Variants in AKAP6 observed in about 807,000 individuals in gnomAD.
The protein encoded by AKAP6 is A-kinase anchor protein 6.
AKAP6 carries 58 observed loss-of-function variants against 188.5 expected under a neutral mutation model. The observed-to-expected ratio is 0.31, with a 90% CI of 0.25 to 0.38. The LOEUF is 0.38. Ranked by LOEUF, AKAP6 falls within the 10% of genes least tolerant of loss-of-function variation. The pLI is 1.00. For synonymous variants in AKAP6, 989 were observed against 998.6 expected, an observed-to-expected ratio of 0.99 and a Z score of 0.18; for missense variants, 2,710 against 2,740.0, an observed-to-expected ratio of 0.99 and a Z score of 0.24.
At chr14:32,655,143 T>C (rs1315761547) in intron 7 of AKAP6, among the ~76,000 whole-genome samples, 1 of 152,128 alleles carries the variant, frequency 6.6e-6, no homozygotes, top group Admixed American at 6.5e-5. Flanking sequence ...ATGCAGCAGA[T>C]TAGGAAACAA....
intron 12 of AKAP6, among the ~76,000 whole-genome samples, chr14:32,786,474 ATTATTTTATT>A (rs1222520748): frequency 9.8e-6 from 1 of 102,454 alleles, no homozygotes; most frequent in African/African-American, 3.0e-5. Flanking sequence ...CGCCCGGCTA[ATTATTTTATT>A]TTATTTTATT....
At chr14:32,602,847 T>C (rs1252884659) in intron 7 of AKAP6, among the ~76,000 whole-genome samples, 1 of 152,192 alleles carries the variant, frequency 6.6e-6, no homozygotes, top group African/African-American at 2.4e-5. Flanking sequence ...AGCCCTTTGA[T>C]CGCAGAGCCC....
rs1354614293 is a variant in AKAP6, at chr14:32,349,783, G to T, written c.-35+20375G>T. Among the ~76,000 whole-genome samples, 3 of 152,094 alleles carry T rather than the reference G, an allele frequency of 2.0e-5. No individual in the cohort carries two copies. In the East Asian group the frequency reaches 5.8e-4, roughly 29 times the overall value. ...ACCATTCATCAATAAAAGGAATCAG[G>T]GCTCCTTCAAGTAATGGCTAATACT... On this transcript the variant is annotated intron_variant, in intron 1 of 13. Transcript: ENST00000280979.
In AKAP6 at chr14:32,823,678, A is replaced by G. The variant is rs1453081019; in HGVS notation, c.5865A>G (p.Gln1955=). ...SNTAGKEFVS[Q]DVRHLPKKCP... The stretch of plus-strand genomic sequence containing the variant: ...CTGCTGGCAAGGAATTTGTTTCCCA[A>G]GATGTTAGACATCTTCCAAAGAAAT... The change falls in exon 13 of 14, where the codon CAA becomes CAG. Residue 1955 remains glutamine (Q), a synonymous_variant. Transcript: ENST00000280979. The G allele has an allele frequency of 6.2e-7, 1 of 1,613,904 alleles. No homozygotes were observed. Among genetic ancestry groups the G allele is most frequent in the South Asian group, 1.1e-5 (1 of 91,072 alleles).
chr14:32,765,454 G>T (rs571513549), intron 11 of AKAP6, among the ~76,000 whole-genome samples: 1 of 152,094 alleles, frequency 6.6e-6, no homozygotes, highest in Non-Finnish European at 1.5e-5. Context: ...GCAATAATTA[G>T]ATTTAGTTAA....
chr14:32,775,717 C>T (rs1465056882), intron 12 of AKAP6, among the ~76,000 whole-genome samples: 1 of 152,146 alleles, frequency 6.6e-6, no homozygotes, highest in Non-Finnish European at 1.5e-5. Flanking sequence ...GTGTAAGCCA[C>T]TGCACTCAGC....
At chr14:32,586,457 G>T (rs577365877) in intron 5 of AKAP6, among the ~76,000 whole-genome samples, 11 of 152,026 alleles carry the variant, frequency 7.2e-5, no homozygotes, top group Non-Finnish European at 1.6e-4. Flanking sequence ...GTGAAACCTC[G>T]TCTCTACAAA....
At chr14:32,827,227 G>T (rs369169441) in intron 13 of AKAP6, among the ~76,000 whole-genome samples, 1 of 152,040 alleles carries the variant, frequency 6.6e-6, no homozygotes, top group Non-Finnish European at 1.5e-5. Context: ...TGTTGTCATT[G>T]TTCTTACTAC....
rs180718937 is a variant in AKAP6, at chr14:32,818,929, A to G, written c.3589-2473A>G. Reference sequence around the variant, plus strand: ...AATTATTTATTAGCACTCTCAGAGTACAGTGTCAGCCAAGATAGTATTTGA... The same window carrying G: ...AATTATTTATTAGCACTCTCAGAGTGCAGTGTCAGCCAAGATAGTATTTGA... On this transcript the variant is annotated intron_variant, in intron 12 of 13. Coordinates refer to ENST00000280979, the MANE Select transcript of AKAP6 (RefSeq NM_004274.5). 1.7e-3 allele frequency among the ~76,000 whole-genome samples: 260 copies of G among 152,354 alleles called. 1 individual carries two copies. The highest frequency in any genetic ancestry group is 3.9e-3 in the Admixed American group (60 of 15,298).
At chr14:32,365,191 A>AT (rs1259706235) in intron 1 of AKAP6, among the ~76,000 whole-genome samples, 6 of 152,078 alleles carry the variant, frequency 3.9e-5, no homozygotes, top group African/African-American at 1.4e-4. Context: ...CTCTGCAGTG[A>AT]TTTTCTGAGC....
chr14:32,382,179 C>G (rs1888384644), intron 1 of AKAP6, among the ~76,000 whole-genome samples: 1 of 152,148 alleles, frequency 6.6e-6, no homozygotes, highest in Non-Finnish European at 1.5e-5. Flanking sequence ...CACTTCTCTG[C>G]TGATACTAGT....
At chr14:32,406,422 C>A (rs571045581) in intron 1 of AKAP6, among the ~76,000 whole-genome samples, 101 of 152,216 alleles carry the variant, frequency 6.6e-4, no homozygotes, top group African/African-American at 2.3e-3. Context: ...GTTGGCCAGG[C>A]TGGTCTTGGG....
intron 2 of AKAP6, among the ~76,000 whole-genome samples, chr14:32,510,436 G>GTATA (rs1555335161): frequency 3.3e-5 from 1 of 30,258 alleles, no homozygotes; most frequent in Non-Finnish European, 6.8e-5. Flanking sequence ...ATATATATAT[G>GTATA]TGTATATATA....
intron 12 of AKAP6, among the ~76,000 whole-genome samples, chr14:32,812,224 G>A (rs192728884): frequency 8.1e-4 from 123 of 152,284 alleles, no homozygotes; most frequent in Non-Finnish European, 8.8e-4. Context: ...GATTTACCAT[G>A]TGGTAGAATG....
chr14:32,595,988 A>C (rs1423465737), intron 5 of AKAP6, among the ~76,000 whole-genome samples: 1 of 152,196 alleles, frequency 6.6e-6, no homozygotes, highest in African/African-American at 2.4e-5. Flanking sequence ...TTATAAAAAA[A>C]CAAAAATTAG....
chr14:32,794,223 A>G (rs987031131), intron 12 of AKAP6, among the ~76,000 whole-genome samples: 40 of 152,160 alleles, frequency 2.6e-4, no homozygotes, highest in African/African-American at 9.4e-4. Context: ...ATTGAAAAAC[A>G]TGCTCCTGAA....
intron 7 of AKAP6, among the ~76,000 whole-genome samples, chr14:32,612,913 T>A (rs555658436): frequency 2.0e-5 from 3 of 152,110 alleles, no homozygotes; most frequent in Non-Finnish European, 4.4e-5. Flanking sequence ...AAGGTAAAGG[T>A]CTCTAAATTG....
intron 7 of AKAP6, among the ~76,000 whole-genome samples, chr14:32,620,516 A>C (rs1337279027): frequency 6.6e-6 from 1 of 152,112 alleles, no homozygotes; most frequent in Non-Finnish European, 1.5e-5. Context: ...GATGAAACCC[A>C]CTTGATCATG....
intron 2 of AKAP6, among the ~76,000 whole-genome samples, chr14:32,482,223 ATAAAAGCC>A (rs1269736298): frequency 4.6e-5 from 7 of 152,218 alleles, no homozygotes; most frequent in African/African-American, 1.7e-4. Flanking sequence ...CTATCTGAGA[ATAAAAGCC>A]TGAAGTTCTT....
Sources: gnomAD v4.1 joint callset for allele counts (sites outside exome capture counted in the v4.1 genomes callset) on GRCh38, gnomAD v4.1.1 for gene constraint, MANE v1.5 for transcripts, NCBI Gene and HGNC (gene_info 2026-07-23, HGNC 2026-07-21) for gene names.